Variants in KLHL18 observed in about 807,000 individuals in gnomAD.
The protein encoded by KLHL18 is kelch like family member 18.
In KLHL18, 38 loss-of-function variants were observed where a neutral mutation model predicts 58.5. The ratio of observed to expected loss-of-function variants is 0.65; its 90% confidence interval spans 0.50 to 0.85. The LOEUF (loss-of-function observed/expected upper bound fraction) is 0.85, where lower values mean the gene tolerates loss of function less well. Among genes scored for constraint, KLHL18 ranks in the 40% least tolerant of loss-of-function variants. The probability of loss-of-function intolerance (pLI) is 0.00; values close to 1 mark genes in which losing one functional copy is unlikely to be tolerated. For missense variants in KLHL18, 624 were observed against 778.4 expected (o/e 0.80, Z 2.36); for synonymous variants, 303 against 301.9 (o/e 1.00, Z -0.04).
At chr3:47,309,296 A>G (rs1486852860) in intron 1 of KLHL18, among the ~76,000 whole-genome samples, 1 of 152,112 alleles carries the variant, frequency 6.6e-6, no homozygotes, top group Non-Finnish European at 1.5e-5. Flanking sequence ...CACCTCCCAG[A>G]CGGGGCGGCG....
intron 1 of KLHL18, among the ~76,000 whole-genome samples, chr3:47,291,745 G>A (rs1702795100): frequency 6.6e-6 from 1 of 152,154 alleles, no homozygotes; most frequent in South Asian, 2.1e-4. Flanking sequence ...TTTCAACACA[G>A]TATTTAGGAA....
chr3:47,323,058 G>C (rs1330351267), intron 3 of KLHL18, among the ~76,000 whole-genome samples: 1 of 150,858 alleles, frequency 6.6e-6, no homozygotes. Flanking sequence ...CTCCATCTTT[G>C]TTTAGGTACT....
At chr3:47,307,129 T>G (rs980154177) in intron 1 of KLHL18, among the ~76,000 whole-genome samples, 7 of 152,200 alleles carry the variant, frequency 4.6e-5, no homozygotes, top group Non-Finnish European at 1.0e-4. Flanking sequence ...TGGAGTGCAG[T>G]GGCAAGATCC....
chr3:47,321,121 G>A (rs181681799), intron 2 of KLHL18, among the ~76,000 whole-genome samples: 1 of 152,200 alleles, frequency 6.6e-6, no homozygotes, highest in South Asian at 2.1e-4. Flanking sequence ...CTGAGGTATA[G>A]CAGTGAGAAA....
intron 1 of KLHL18, among the ~76,000 whole-genome samples, chr3:47,305,042 GA>G (rs915947249): frequency 2.7e-5 from 4 of 150,928 alleles, no homozygotes; most frequent in African/African-American, 9.8e-5. Context: ...AAAAAAGAAA[GA>G]AAAAAACCCA....
At position 47,343,558 on chromosome 3, in the gene KLHL18, G is replaced by A; in HGVS notation, c.1342G>A (p.Glu448Lys). 1 of 1,613,212 alleles carries A rather than the reference G, an allele frequency of 6.2e-7. No homozygotes were observed. Among genetic ancestry groups the A allele is most frequent in the Non-Finnish European group, 8.5e-7 (1 of 1,180,026 alleles). The change falls in exon 10 of 10, where the codon GAA (glutamate) becomes AAA (lysine). Residue 448 changes from glutamate to lysine, a missense_variant. Coordinates refer to ENST00000232766, the MANE Select transcript of KLHL18 (RefSeq NM_025010.5). ...HDGLQIFSSV[E>K]HYNHHTATWH... ...TGTGCCTCTCTCCCCACTGCAGGTGGAACACTACAACCACCACACAGCCAC... is the reference window on the plus strand; with the variant it reads ...TGTGCCTCTCTCCCCACTGCAGGTGAAACACTACAACCACCACACAGCCAC...
At chr3:47,329,922 A>G in intron 3 of KLHL18, 29 bp from the exon 4 acceptor site, 1 of 1,592,302 alleles carries the variant, frequency 6.3e-7, no homozygotes, top group Non-Finnish European at 8.6e-7. Flanking sequence ...TTCTTCCTCT[A>G]ATTTTTTTTT....
chr3:47,335,151 A>G (rs1162675127), intron 6 of KLHL18, among the ~76,000 whole-genome samples: 1 of 152,172 alleles, frequency 6.6e-6, no homozygotes, highest in East Asian at 1.9e-4. Flanking sequence ...CTGATTCCTG[A>G]GCCAGCACTT....
intron 1 of KLHL18, among the ~76,000 whole-genome samples, chr3:47,305,343 T>G (rs1559490825): frequency 6.7e-6 from 1 of 149,132 alleles, no homozygotes; most frequent in Non-Finnish European, 1.5e-5. Context: ...AGTTTTTTTT[T>G]TTTTTTTTTT....
Position 47,344,148 on chromosome 3 carries a change from G to A in KLHL18, c.*207G>A, listed in dbSNP as rs1199826436. ...TTGGGTCATCAAGATGCACAGCATG[G>A]AACACAAGCTCCTCTGGATCCTGCA... is the stretch of plus-strand genomic sequence containing the variant. On this transcript the variant is annotated 3_prime_UTR_variant, in exon 10 of 10. Coordinates refer to ENST00000232766, the MANE Select transcript of KLHL18 (RefSeq NM_025010.5). 1 of 599,662 alleles carries A rather than the reference G, an allele frequency of 1.7e-6. No individual in the cohort carries two copies. The highest frequency in any genetic ancestry group is 2.8e-5 in the East Asian group (1 of 35,228). The allele number at this position is 599,662 out of a possible 1,614,324, so 37.1% of individuals were successfully genotyped here.
In KLHL18 at chr3:47,285,158, G is replaced by A. The variant is rs1045570250; in HGVS notation, c.129+2064G>A. Among the ~76,000 whole-genome samples, 4 of 152,268 alleles carry A rather than the reference G, an allele frequency of 2.6e-5. No individual in the cohort carries two copies. In the South Asian group the frequency reaches 8.3e-4, roughly 32 times the overall value. On this transcript the variant is annotated intron_variant, in intron 1 of 9. Coordinates refer to ENST00000232766, the MANE Select transcript of KLHL18 (RefSeq NM_025010.5). ...CTCCTGAAGGAGGTTGTTTTTCCAG[G>A]AGAGGAGTGAAGTGATCTGAGAAGG...
rs373471831 is a variant in KLHL18 at position 47,336,774 on chromosome 3, G to A, written c.1121+17G>A. On this transcript the variant is annotated intron_variant, in intron 7 of 9. Transcript: ENST00000232766. ...CAAGAGAAGGTATTCTGGAAGCCAC[G>A]TGCAGCCCGAACATACACACTGAGC... is the stretch of plus-strand genomic sequence containing the variant. The A allele has an allele frequency of 1.1e-5, 17 of 1,598,398 alleles. No individual in the cohort carries two copies. The highest frequency in any genetic ancestry group is 1.7e-4 in the Middle Eastern group (1 of 6,038).
intron 1 of KLHL18, among the ~76,000 whole-genome samples, chr3:47,284,421 T>C (rs1439373582): frequency 6.8e-6 from 1 of 146,846 alleles, no homozygotes; most frequent in African/African-American, 2.5e-5. Flanking sequence ...ACTGAAACTC[T>C]CTCTCCTGGG....
At chr3:47,309,244 C>T (rs944179293) in intron 1 of KLHL18, among the ~76,000 whole-genome samples, 7 of 152,214 alleles carry the variant, frequency 4.6e-5, no homozygotes, top group East Asian at 1.9e-4. Flanking sequence ...TCGACAAAAC[C>T]GCCATCGTCA....
intron 1 of KLHL18, among the ~76,000 whole-genome samples, chr3:47,286,051 A>G (rs950934171): frequency 6.6e-6 from 1 of 152,186 alleles, no homozygotes; most frequent in African/African-American, 2.4e-5. Flanking sequence ...AAAAAAAAAA[A>G]AAAGAATCAG....
At chr3:47,307,609 C>G (rs1162223876) in intron 1 of KLHL18, among the ~76,000 whole-genome samples, 1 of 151,444 alleles carries the variant, frequency 6.6e-6, no homozygotes, top group African/African-American at 2.4e-5. Context: ...ATGCCAATCC[C>G]AAACTCCTGG....
Position 47,343,973 on chromosome 3 carries a change from C to G in KLHL18, c.*32C>G. On this transcript the variant is annotated 3_prime_UTR_variant, in exon 10 of 10. Transcript: ENST00000232766. ...GGATGGGATGTGGTGGGGCAGGGAT[C>G]TGGTACAGACATAGGCGCTTCCTTC... 1 of 1,606,372 alleles carries G rather than the reference C, an allele frequency of 6.2e-7. No homozygotes were observed. The highest frequency in any genetic ancestry group is 1.3e-5 in the African/African-American group (1 of 74,800).
At chr3:47,309,431 A>G (rs935784554) in intron 1 of KLHL18, among the ~76,000 whole-genome samples, 4 of 151,448 alleles carry the variant, frequency 2.6e-5, no homozygotes, top group Admixed American at 1.3e-4. Context: ...GCGGCCGGGC[A>G]GAGGCGCTCC....
At chr3:47,284,626 C>T (rs1016728222) in intron 1 of KLHL18, among the ~76,000 whole-genome samples, 14 of 152,048 alleles carry the variant, frequency 9.2e-5, no homozygotes, top group African/African-American at 3.4e-4. Context: ...CGTGAGTCAC[C>T]GCGCCCAGCC....
Sources: gnomAD v4.1 joint callset for allele counts (sites outside exome capture counted in the v4.1 genomes callset) on GRCh38, gnomAD v4.1.1 for gene constraint, MANE v1.5 for transcripts, NCBI Gene and HGNC (gene_info 2026-07-23, HGNC 2026-07-21) for gene names.